Variants in CCDC141 observed in about 807,000 individuals in gnomAD.
The protein encoded by CCDC141 is coiled-coil domain-containing protein 141.
Under a neutral mutation model 181.0 loss-of-function variants are expected in CCDC141, and 168 were observed. The ratio of observed to expected loss-of-function variants is 0.93; its 90% CI spans 0.82 to 1.05. CCDC141 has a LOEUF of 1.05. CCDC141 is among the 50% of genes least tolerant of loss of function. The pLI is 0.00. For missense variants in CCDC141, 1,902 were observed against 1,788.5 expected (o/e 1.06, Z -1.14); for synonymous variants, 666 against 642.3 (o/e 1.04, Z -0.56).
chr2:179,000,055 TAC>T (rs67309651), intron 2 of CCDC141, among the ~76,000 whole-genome samples: 16,220 of 144,074 alleles, frequency 0.11, 986 homozygotes, highest in African/African-American at 0.18. Context: ...TTCATCACCA[TAC>T]ACACACACAC....
intron 6 of CCDC141, among the ~76,000 whole-genome samples, chr2:178,931,694 G>A (rs1234403825): frequency 6.6e-6 from 1 of 151,988 alleles, no homozygotes; most frequent in South Asian, 2.1e-4. Context: ...CTTAATGAGT[G>A]TGGTGTTTCT....
chr2:178,865,496 C>CA (rs1685805432), intron 17 of CCDC141, among the ~76,000 whole-genome samples: 1 of 152,036 alleles, frequency 6.6e-6, no homozygotes, highest in African/African-American at 2.4e-5. Flanking sequence ...CAAAAGCAAC[C>CA]AAAAAAACTG....
the CCDC141 span, among the ~76,000 whole-genome samples, chr2:178,818,531 T>C: frequency 6.6e-6 from 1 of 152,188 alleles, no homozygotes; most frequent in East Asian, 1.9e-4. Flanking sequence ...ATGTGGTGTT[T>C]GGTTTTCTGT....
chr2:178,841,867 A>T (rs936088548), intron 22 of CCDC141, among the ~76,000 whole-genome samples: 13 of 152,190 alleles, frequency 8.5e-5, no homozygotes, highest in Non-Finnish European at 1.6e-4. Flanking sequence ...TCCTGGCTTC[A>T]GGCGATCTAC....
chr2:179,032,507 T>C (rs907434960), intron 2 of CCDC141, among the ~76,000 whole-genome samples: 1 of 152,176 alleles, frequency 6.6e-6, no homozygotes, highest in Non-Finnish European at 1.5e-5. Context: ...TCTGGAACTT[T>C]TTCTGTCCAC....
chr2:178,854,510 C>T (rs376780081), intron 19 of CCDC141, among the ~76,000 whole-genome samples: 9 of 152,016 alleles, frequency 5.9e-5, no homozygotes, highest in African/African-American at 9.7e-5. Context: ...GGAAACAGAG[C>T]GACACTCCAT....
downstream of CCDC141, among the ~76,000 whole-genome samples, chr2:178,824,957 GTTTTC>G (rs940489835): frequency 4.6e-5 from 7 of 152,066 alleles, no homozygotes; most frequent in East Asian, 1.9e-4. Flanking sequence ...ACATCAGTTA[GTTTTC>G]TTTTAAGTAA....
chr2:178,938,405 T>G (rs894795064), intron 6 of CCDC141, among the ~76,000 whole-genome samples: 2 of 152,140 alleles, frequency 1.3e-5, no homozygotes, highest in Non-Finnish European at 2.9e-5. Context: ...TGCATGGTCT[T>G]AAGTGATTCT....
intron 2 of CCDC141, among the ~76,000 whole-genome samples, chr2:179,030,860 A>G (rs1259220570): frequency 6.6e-6 from 1 of 151,950 alleles, no homozygotes; most frequent in Non-Finnish European, 1.5e-5. Flanking sequence ...TTCTTTTCTT[A>G]TCCTTGAAAT....
intron 2 of CCDC141, among the ~76,000 whole-genome samples, chr2:178,982,623 C>T (rs189876278): frequency 3.7e-4 from 52 of 139,146 alleles, no homozygotes; most frequent in South Asian, 9.7e-4. Flanking sequence ...ATGTGCGAAC[C>T]GAAGCAGAGC....
chr2:178,911,406 G>C (rs1238308459), intron 7 of CCDC141, among the ~76,000 whole-genome samples: 1 of 152,172 alleles, frequency 6.6e-6, no homozygotes, highest in Non-Finnish European at 1.5e-5. Flanking sequence ...CAAGGTCATA[G>C]AGCTAATAAA....
chr2:179,004,980 C>T (rs937930481), intron 2 of CCDC141, among the ~76,000 whole-genome samples: 1 of 152,184 alleles, frequency 6.6e-6, no homozygotes. Flanking sequence ...TATCCACCTG[C>T]CTCGGCCTCC....
intron 7 of CCDC141, among the ~76,000 whole-genome samples, chr2:178,913,885 C>G (rs1025925661): frequency 1.3e-5 from 2 of 152,136 alleles, no homozygotes; most frequent in East Asian, 3.9e-4. Flanking sequence ...GCATAGGACA[C>G]GATACATTAT....
intron 2 of CCDC141, among the ~76,000 whole-genome samples, chr2:178,994,384 GAAGCTACAGCCC>G (rs1692190868): frequency 6.6e-6 from 1 of 152,222 alleles, no homozygotes; most frequent in African/African-American, 2.4e-5. Context: ...TGCACCTTCT[GAAGCTACAGCCC>G]AAGCTCTGTG....
intron 21 of CCDC141, among the ~76,000 whole-genome samples, chr2:178,846,638 T>G (rs975157812): frequency 6.6e-6 from 1 of 152,220 alleles, no homozygotes; most frequent in Non-Finnish European, 1.5e-5. Context: ...AGCTGATATC[T>G]TATTCCAAAA....
intron 5 of CCDC141, among the ~76,000 whole-genome samples, chr2:178,954,628 G>C (rs749876903): frequency 6.6e-6 from 1 of 152,036 alleles, no homozygotes; most frequent in Non-Finnish European, 1.5e-5. Flanking sequence ...CTTTTAAATG[G>C]CCCTTATGAG....
At chr2:178,894,214 G>T (rs1687300888) in intron 8 of CCDC141, among the ~76,000 whole-genome samples, 1 of 152,094 alleles carries the variant, frequency 6.6e-6, no homozygotes, top group South Asian at 2.1e-4. Context: ...GTGTGACCCT[G>T]ATCAAATAAC....
chr2:178,819,962 G>A, the CCDC141 span, among the ~76,000 whole-genome samples: 1 of 152,044 alleles, frequency 6.6e-6, no homozygotes, highest in African/African-American at 2.4e-5. Flanking sequence ...TTTTTGAAAA[G>A]CATTCTACTG....
Position 178,869,237 on chromosome 2 carries a change from TAC to T in CCDC141, c.2272_2273del (p.Val758LysfsTer61). The stretch of plus-strand genomic sequence containing the variant: ...CCTTCAGTTGTTGAGACTTTTCTTT[TAC>T]AGGGGCTCCTCTGCCAGTTAACTCC... ...SEELTGRGAP[V>X]KEKSQQLKDL... On this transcript the variant is annotated frameshift_variant, in exon 15 of 24. Transcript: ENST00000443758. LOFTEE classifies it high-confidence loss of function. The T allele has an allele frequency of 6.2e-7, 1 of 1,613,706 alleles. No individual in the cohort carries two copies. Among genetic ancestry groups the T allele is most frequent in the Non-Finnish European group, 8.5e-7 (1 of 1,179,782 alleles).
Sources: allele counts gnomAD v4.1 joint callset (sites outside exome capture counted in the v4.1 genomes callset), GRCh38; gene constraint gnomAD v4.1.1; transcripts MANE v1.5; gene names NCBI Gene and HGNC (gene_info 2026-07-23, HGNC 2026-07-21).